AFF3: variants seen among roughly 807,000 people sequenced by gnomAD.
The protein encoded by AFF3 is AF4/FMR2 family member 3.
AFF3 carries 32 observed loss-of-function variants against 129.7 expected under a neutral mutation model. That is an observed-to-expected ratio of 0.25 (90% CI 0.19 to 0.33). The LOEUF is 0.33. Among genes scored for constraint, AFF3 ranks in the 10% least tolerant of loss-of-function variants. AFF3 has a pLI of 1.00. For missense variants in AFF3, 1,373 were observed against 1,592.0 expected (o/e 0.86, Z 2.34); for synonymous variants, 644 against 635.4 (o/e 1.01, Z -0.20).
chr2:99,909,302 A>G (rs1335807781), intron 7 of AFF3, among the ~76,000 whole-genome samples: 6 of 143,226 alleles, frequency 4.2e-5, no homozygotes, highest in Non-Finnish European at 9.2e-5. Context: ...ACACATGGAC[A>G]CAGGAAGGGG....
chr2:99,585,742 C>G (rs1353483289), intron 16 of AFF3, among the ~76,000 whole-genome samples: 1 of 151,854 alleles, frequency 6.6e-6, no homozygotes, highest in African/African-American at 2.4e-5. Flanking sequence ...TTTTTCTTTT[C>G]TTTTTTGAGA....
At chr2:99,746,387 C>T (rs912594749) in intron 9 of AFF3, among the ~76,000 whole-genome samples, 3 of 152,082 alleles carry the variant, frequency 2.0e-5, no homozygotes, top group African/African-American at 7.2e-5. Context: ...GTACTAATGT[C>T]TGCTTTAAAA....
chr2:99,805,094 G>C (rs1686235672), intron 8 of AFF3, among the ~76,000 whole-genome samples: 1 of 152,092 alleles, frequency 6.6e-6, no homozygotes, highest in Admixed American at 6.5e-5. Flanking sequence ...TAAAATATAT[G>C]TATTTTAACA....
chr2:99,914,478 T>G (rs1330439525), intron 7 of AFF3, among the ~76,000 whole-genome samples: 3 of 152,148 alleles, frequency 2.0e-5, no homozygotes, highest in Non-Finnish European at 4.4e-5. Flanking sequence ...AGAGCCATCA[T>G]TAGGACAACG....
chr2:99,923,878 A>G (rs1156882265), intron 7 of AFF3, among the ~76,000 whole-genome samples: 2 of 152,154 alleles, frequency 1.3e-5, no homozygotes, highest in African/African-American at 4.8e-5. Context: ...AATTATTACA[A>G]TTAAAATTAA....
At position 99,980,197 on chromosome 2, in the gene AFF3, T is replaced by C. The variant is rs1415526427; in HGVS notation, c.873+26435A>G. ...GTAACATCAGTTGTGGAAACAAATA[T>C]TGTGCTATTTGCCTTTCCCCTGCTG... On this transcript the variant is annotated intron_variant, in intron 7 of 24. Coordinates refer to ENST00000672756, the MANE Select transcript of AFF3 (RefSeq NM_001386135.1). 2.6e-5 allele frequency among the ~76,000 whole-genome samples: 4 copies of C among 152,176 alleles called. 1 individual carries two copies. Among genetic ancestry groups the C allele is most frequent in the Admixed American group, 6.5e-5 (1 of 15,274 alleles).
rs1328477025 is a variant in AFF3 at position 100,134,656 on chromosome 2, AT to A, written c.-227-5351del. ...TCACATGACGATCCTTTTAGAATTT[AT>A]TTTGATTTAATACACTAGGTTTGCA... On this transcript the variant is annotated intron_variant, in intron 1 of 24. Transcript: ENST00000672756. Among the ~76,000 whole-genome samples, 10 of 152,234 alleles carry A rather than the reference AT, an allele frequency of 6.6e-5. No homozygotes were observed. The East Asian group carries it at 1.9e-3, about 29-fold the overall frequency.
At chr2:100,085,630 C>A (rs1390394350) in intron 4 of AFF3, among the ~76,000 whole-genome samples, 1 of 149,814 alleles carries the variant, frequency 6.7e-6, no homozygotes, top group Non-Finnish European at 1.5e-5. Context: ...ATTTGATAAG[C>A]CCTGGACTAC....
At chr2:99,845,209 T>C (rs1047952467) in intron 7 of AFF3, among the ~76,000 whole-genome samples, 1 of 152,162 alleles carries the variant, frequency 6.6e-6, no homozygotes, top group Non-Finnish European at 1.5e-5. Flanking sequence ...ACCTGTAAAT[T>C]AGAGAGTAAG....
Position 99,794,766 on chromosome 2 carries a change from A to C in AFF3, c.922-42465T>G, listed in dbSNP as rs144300605. On this transcript the variant is annotated intron_variant, in intron 8 of 24. Coordinates refer to ENST00000672756, the MANE Select transcript of AFF3 (RefSeq NM_001386135.1). ...GCTCTGTCTCTTCACTACAGTCTAG[A>C]AAGCAGCTCTGAATATAAATCTGAG... is the stretch of plus-strand genomic sequence containing the variant. Among the ~76,000 whole-genome samples the C allele has an allele frequency of 4.5e-3, 686 of 152,316 alleles. 9 individuals carry two copies. The highest frequency in any genetic ancestry group is 0.016 in the African/African-American group (654 of 41,572).
At chr2:99,902,368 T>C (rs539472201) in intron 7 of AFF3, among the ~76,000 whole-genome samples, 1 of 152,140 alleles carries the variant, frequency 6.6e-6, no homozygotes, top group African/African-American at 2.4e-5. Flanking sequence ...TGATTTCCAG[T>C]GTGCGGCTCT....
intron 11 of AFF3, among the ~76,000 whole-genome samples, chr2:99,701,663 T>A (rs1676876554): frequency 6.6e-6 from 1 of 152,208 alleles, no homozygotes; most frequent in Non-Finnish European, 1.5e-5. Flanking sequence ...TTATTCAGAT[T>A]TCAACAGTTA....
chr2:99,721,738 T>C (rs1423118606), intron 11 of AFF3, among the ~76,000 whole-genome samples: 2 of 152,226 alleles, frequency 1.3e-5, no homozygotes, highest in Non-Finnish European at 2.9e-5. Flanking sequence ...TTTCCCATAA[T>C]GTTCCACGGT....
intron 18 of AFF3, 81 bp downstream of exon 18, chr2:99,578,246 C>G (rs537267494): frequency 1.4e-6 from 2 of 1,470,594 alleles, no homozygotes; most frequent in African/African-American, 1.5e-5. Context: ...GGTGGCCACA[C>G]CAAGGTGCCC....
At chr2:99,669,834 C>T (rs764191906) in intron 12 of AFF3, among the ~76,000 whole-genome samples, 2 of 152,056 alleles carry the variant, frequency 1.3e-5, no homozygotes, top group Non-Finnish European at 2.9e-5. Context: ...CCTGTAATCC[C>T]AGCTACTTAG....
At chr2:99,627,312 T>C (rs1028676328) in intron 13 of AFF3, among the ~76,000 whole-genome samples, 1 of 152,192 alleles carries the variant, frequency 6.6e-6, no homozygotes, top group Non-Finnish European at 1.5e-5. Flanking sequence ...TTGATTTGCA[T>C]TTCTCTAATG....
chr2:100,055,107 C>T (rs745754374), intron 4 of AFF3, among the ~76,000 whole-genome samples: 17 of 152,134 alleles, frequency 1.1e-4, no homozygotes, highest in Non-Finnish European at 2.2e-4. Flanking sequence ...CATATTGAGT[C>T]TGCAGTTAAC....
intron 17 of AFF3, among the ~76,000 whole-genome samples, chr2:99,579,242 C>A (rs1425793446): frequency 6.6e-6 from 1 of 151,006 alleles, no homozygotes; most frequent in Non-Finnish European, 1.5e-5. Context: ...TCCGTCTCTA[C>A]TAAAAATACA....
At chr2:99,640,370 T>C (rs1684079452) in intron 13 of AFF3, among the ~76,000 whole-genome samples, 1 of 152,034 alleles carries the variant, frequency 6.6e-6, no homozygotes, top group African/African-American at 2.4e-5. Context: ...GATGAGGTAA[T>C]TACTATCATA....
Sources: allele counts gnomAD v4.1 joint callset (sites outside exome capture counted in the v4.1 genomes callset), GRCh38; gene constraint gnomAD v4.1.1; transcripts MANE v1.5; gene names NCBI Gene and HGNC (gene_info 2026-07-23, HGNC 2026-07-21).